Variants in MAML2 observed in about 807,000 individuals in gnomAD.
MAML2 encodes the protein mastermind-like protein 2.
A neutral mutation model predicts 96.1 loss-of-function variants in MAML2; 22 were observed. That is an observed-to-expected ratio of 0.23 (90% CI 0.16 to 0.33). MAML2 has a LOEUF of 0.33. MAML2 is among the 10% of genes least tolerant of loss of function. The pLI, the probability that MAML2 is intolerant of heterozygous loss-of-function variation, is 1.00. For synonymous variants in MAML2, 561 were observed against 521.3 expected, an observed-to-expected ratio of 1.08 and a Z score of -1.04; for missense variants, 1,367 against 1,392.4, an observed-to-expected ratio of 0.98 and a Z score of 0.29.
At chr11:96,166,050 A>G (rs889396151) in intron 1 of MAML2, among the ~76,000 whole-genome samples, 2 of 151,962 alleles carry the variant, frequency 1.3e-5, no homozygotes, top group Admixed American at 6.6e-5. Flanking sequence ...ATTTCCCTAC[A>G]ATTCTCATTG....
chr11:96,035,449 C>T (rs144268408), intron 2 of MAML2, among the ~76,000 whole-genome samples: 223 of 152,268 alleles, frequency 1.5e-3, no homozygotes, highest in African/African-American at 4.8e-3. Flanking sequence ...GTGGATTCTA[C>T]GGAAGATAGG....
At chr11:96,277,410 A>G (rs888890818) in intron 1 of MAML2, among the ~76,000 whole-genome samples, 1 of 152,198 alleles carries the variant, frequency 6.6e-6, no homozygotes, top group African/African-American at 2.4e-5. Flanking sequence ...TTTGAAATAT[A>G]CAAAATATTG....
chr11:96,283,723 T>C (rs889409408), intron 1 of MAML2, among the ~76,000 whole-genome samples: 1 of 152,212 alleles, frequency 6.6e-6, no homozygotes, highest in African/African-American at 2.4e-5. Flanking sequence ...TCATTCCTCA[T>C]TGAGCTATTA....
chr11:96,269,093 C>T (rs894757177), intron 1 of MAML2, among the ~76,000 whole-genome samples: 2 of 144,814 alleles, frequency 1.4e-5, no homozygotes, highest in East Asian at 4.0e-4. Flanking sequence ...ATGGAAATGA[C>T]TTGGTTATTT....
rs75207865 is a variant in MAML2 at position 96,019,139 on chromosome 11, G to A, written c.2140-27416C>T. ...TTATTTTGTTTGTTTCTTAAGGTGA[G>A]TTTTAGGTTTTATGCCTATGAGAAT... On this transcript the variant is annotated intron_variant, in intron 2 of 4. Transcript: ENST00000524717. 4.2e-3 allele frequency among the ~76,000 whole-genome samples: 646 copies of A among 152,202 alleles called. 2 individuals carry two copies. The highest frequency in any genetic ancestry group is 0.027 in the Middle Eastern group (8 of 294).
At chr11:96,097,014 G>A (rs1016199377) in intron 1 of MAML2, among the ~76,000 whole-genome samples, 9 of 52,028 alleles carry the variant, frequency 1.7e-4, no homozygotes, top group Non-Finnish European at 3.8e-4. Context: ...TTATATCACC[G>A]AGGCCCACTG....
intron 2 of MAML2, among the ~76,000 whole-genome samples, chr11:96,051,082 A>C (rs1858982760): frequency 6.6e-6 from 1 of 152,162 alleles, no homozygotes; most frequent in Non-Finnish European, 1.5e-5. Context: ...TCTGTGAGGC[A>C]TGACTTTCTG....
chr11:96,086,701 C>G (rs564059673), intron 2 of MAML2, among the ~76,000 whole-genome samples: 2 of 152,266 alleles, frequency 1.3e-5, no homozygotes, highest in East Asian at 3.9e-4. Context: ...TGGCAAATAG[C>G]AGGCACACAA....
intron 1 of MAML2, among the ~76,000 whole-genome samples, chr11:96,340,420 C>T (rs891542434): frequency 6.6e-6 from 1 of 152,250 alleles, no homozygotes; most frequent in Admixed American, 6.5e-5. Context: ...CCAGAGGCCA[C>T]TGGTCCAGCA....
chr11:96,161,277 A>G (rs1443002044), intron 1 of MAML2, among the ~76,000 whole-genome samples: 1 of 152,242 alleles, frequency 6.6e-6, no homozygotes, highest in Non-Finnish European at 1.5e-5. Context: ...CCTCCCCCAC[A>G]CAAATCAATC....
intron 2 of MAML2, among the ~76,000 whole-genome samples, chr11:96,056,947 C>T (rs1018361329): frequency 6.6e-6 from 1 of 152,146 alleles, no homozygotes; most frequent in Non-Finnish European, 1.5e-5. Flanking sequence ...TACCAATGTC[C>T]TTGAAATGAA....
Position 96,342,015 on chromosome 11 carries a change from G to C in MAML2, c.-120C>G. ...CTCAGTGTTCAGGGCCACATGAATA[G>C]AGGTCTTCAGAGGTTGTGGGGGAGC... On this transcript the variant is annotated 5_prime_UTR_variant, in exon 1 of 5. Coordinates refer to ENST00000524717, the MANE Select transcript of MAML2 (RefSeq NM_032427.4). 5.4e-6 allele frequency: 5 copies of C among 932,438 alleles called. No individual in the cohort carries two copies. The South Asian group carries it at 9.1e-5, about 17-fold the overall frequency. The allele number at this position is 932,438 out of a possible 1,614,324, so 57.8% of individuals were successfully genotyped here. A position where few individuals can be genotyped will look rare whatever the true frequency, so the allele number is the denominator to read the frequency against.
intron 2 of MAML2, among the ~76,000 whole-genome samples, chr11:96,032,770 T>C (rs1858639012): frequency 1.3e-5 from 2 of 152,174 alleles, no homozygotes; most frequent in African/African-American, 2.4e-5. Flanking sequence ...AAGTGCGCTA[T>C]GCTAAGTGAA....
At chr11:96,211,605 A>AT (rs1236886744) in intron 1 of MAML2, among the ~76,000 whole-genome samples, 3 of 152,138 alleles carry the variant, frequency 2.0e-5, no homozygotes, top group African/African-American at 7.2e-5. Context: ...GATCAGAGGT[A>AT]TGGGGGCGTC....
At chr11:96,162,321 T>G (rs1043017674) in intron 1 of MAML2, among the ~76,000 whole-genome samples, 3 of 151,668 alleles carry the variant, frequency 2.0e-5, no homozygotes, top group Non-Finnish European at 4.4e-5. Flanking sequence ...AAACAAAGCA[T>G]TTTATTAAAA....
At chr11:96,017,642 G>A (rs905696185) in intron 2 of MAML2, among the ~76,000 whole-genome samples, 1 of 152,148 alleles carries the variant, frequency 6.6e-6, no homozygotes, top group Admixed American at 6.5e-5. Context: ...GGAGTGGGTA[G>A]GGTGAGCAGA....
At chr11:96,013,683 C>T (rs972099834) in intron 2 of MAML2, among the ~76,000 whole-genome samples, 14 of 152,226 alleles carry the variant, frequency 9.2e-5, no homozygotes, top group Non-Finnish European at 1.8e-4. Flanking sequence ...CGCACAAGCA[C>T]TGGCGCCTGC....
chr11:96,139,891 G>A (rs369333068), intron 1 of MAML2, among the ~76,000 whole-genome samples: 37 of 152,204 alleles, frequency 2.4e-4, no homozygotes, highest in African/African-American at 7.9e-4. Context: ...TCTACTCTCC[G>A]TGATGCAATG....
At chr11:96,244,885 A>G (rs1004018093) in intron 1 of MAML2, among the ~76,000 whole-genome samples, 1 of 152,220 alleles carries the variant, frequency 6.6e-6, no homozygotes, top group Non-Finnish European at 1.5e-5. Context: ...ATTATTTGGA[A>G]AGACACAGTC....
Sources: allele counts gnomAD v4.1 joint callset (sites outside exome capture counted in the v4.1 genomes callset), GRCh38; gene constraint gnomAD v4.1.1; transcripts MANE v1.5; gene names NCBI Gene and HGNC (gene_info 2026-07-23, HGNC 2026-07-21).